Variants in MMS22L observed in about 807,000 individuals in gnomAD.
MMS22L encodes protein MMS22-like.
In MMS22L, 74 loss-of-function variants were observed where a neutral mutation model predicts 159.1. That is an observed-to-expected ratio of 0.47 (90% confidence interval 0.39 to 0.56). The LOEUF is 0.56. Ranked by LOEUF, MMS22L falls within the 20% of genes least tolerant of loss-of-function variation. The probability of loss-of-function intolerance (pLI) is 0.00; values close to 1 mark genes in which losing one functional copy is unlikely to be tolerated. For missense variants in MMS22L, 1,351 were observed against 1,422.1 expected, an observed-to-expected ratio of 0.95 and a Z score of 0.80; for synonymous variants, 517 against 506.9, an observed-to-expected ratio of 1.02 and a Z score of -0.27.
intron 13 of MMS22L, among the ~76,000 whole-genome samples, chr6:97,230,057 C>A (rs1377663760): frequency 2.0e-5 from 3 of 152,104 alleles, no homozygotes; most frequent in African/African-American, 4.8e-5. Flanking sequence ...GAAAACAATT[C>A]ATCTGAATTC....
At chr6:97,244,811 G>A (rs1157088662) in intron 11 of MMS22L, among the ~76,000 whole-genome samples, 2 of 152,122 alleles carry the variant, frequency 1.3e-5, no homozygotes, top group African/African-American at 4.8e-5. Flanking sequence ...ACCATAAGAT[G>A]GGGGAATGGT....
At chr6:97,214,049 C>T (rs941296292) in intron 14 of MMS22L, among the ~76,000 whole-genome samples, 3 of 152,234 alleles carry the variant, frequency 2.0e-5, no homozygotes, top group Admixed American at 2.0e-4. Flanking sequence ...CTATGGCTCC[C>T]ATTCATTTTT....
intron 18 of MMS22L, among the ~76,000 whole-genome samples, chr6:97,176,217 G>T (rs989752313): frequency 4.6e-5 from 7 of 152,064 alleles, no homozygotes; most frequent in Non-Finnish European, 1.0e-4. Flanking sequence ...TCATGTAAAA[G>T]ATTTTACACT....
intron 14 of MMS22L, 51 bp from the exon 15 acceptor site, chr6:97,186,741 A>C: frequency 7.6e-7 from 1 of 1,318,974 alleles, no homozygotes; most frequent in African/African-American, 1.5e-5. Context: ...GCTTACAAAA[A>C]TCTTCTTAAA....
Position 97,228,926 on chromosome 6 carries a change from C to A in MMS22L, c.2007G>T (p.Leu669Phe). ...ACRESELRTV[L>F]SFLQAVLARI... ...TGGCCAGAACAGCTTGTAGGAAGCT[C>A]AATACTGTCCTAAGTTCAGATTCTC... Residue 669 changes from leucine (L) to phenylalanine (F), a missense_variant, in exon 14 of 25, where the codon TTG becomes TTT. Transcript: ENST00000683635. The A allele has an allele frequency of 6.2e-7, 1 of 1,613,976 alleles. No individual in the cohort carries two copies. Among genetic ancestry groups the A allele is most frequent in the South Asian group, 1.1e-5 (1 of 91,066 alleles).
chr6:97,201,032 T>C (rs1030635153), intron 14 of MMS22L, among the ~76,000 whole-genome samples: 1 of 151,976 alleles, frequency 6.6e-6, no homozygotes, highest in Non-Finnish European at 1.5e-5. Flanking sequence ...TAGTTCAAAA[T>C]TAAAAATCTT....
chr6:97,252,032 A>C (rs1813289571), intron 10 of MMS22L, among the ~76,000 whole-genome samples: 1 of 151,660 alleles, frequency 6.6e-6, no homozygotes. Context: ...GCAGTAAGCC[A>C]AGACTGCGCC....
chr6:97,189,281 C>T (rs770189722), intron 14 of MMS22L, among the ~76,000 whole-genome samples: 3 of 146,168 alleles, frequency 2.1e-5, no homozygotes, highest in Admixed American at 6.8e-5. Context: ...AAAAAAAAGC[C>T]GAGTGCAGTG....
intron 7 of MMS22L, 147 bp from the exon 8 acceptor site, chr6:97,268,149 C>G: frequency 1.9e-6 from 1 of 540,218 alleles, no homozygotes; most frequent in Non-Finnish European, 3.1e-6. Context: ...TGAGGACAAC[C>G]TTCTCATATG....
intron 7 of MMS22L, among the ~76,000 whole-genome samples, chr6:97,268,578 A>T (rs1815397690): frequency 6.7e-6 from 1 of 149,362 alleles, no homozygotes; most frequent in African/African-American, 2.5e-5. Flanking sequence ...AACACAACTT[A>T]AAAAAAAAAG....
At chr6:97,182,132 T>C in intron 15 of MMS22L, 78 bp from the exon 16 acceptor site, 2 of 1,128,138 alleles carry the variant, frequency 1.8e-6, no homozygotes, top group Non-Finnish European at 2.4e-6. Flanking sequence ...TGGCCAATTA[T>C]AACAAGTGTT....
At chr6:97,200,978 A>C (rs1334622331) in intron 14 of MMS22L, among the ~76,000 whole-genome samples, 1 of 152,154 alleles carries the variant, frequency 6.6e-6, no homozygotes, top group Non-Finnish European at 1.5e-5. Flanking sequence ...TAACCCCTGA[A>C]AGTTACTCTT....
At chr6:97,208,680 C>G (rs182188655) in intron 14 of MMS22L, among the ~76,000 whole-genome samples, 254 of 152,084 alleles carry the variant, frequency 1.7e-3, no homozygotes, top group Middle Eastern at 3.4e-3. Flanking sequence ...GTCTTTCTGT[C>G]AAGGATCTTA....
chr6:97,276,317 T>C (rs1816237888), intron 4 of MMS22L, among the ~76,000 whole-genome samples: 1 of 152,196 alleles, frequency 6.6e-6, no homozygotes, highest in South Asian at 2.1e-4. Context: ...AGCCAAAATG[T>C]CAGTGTAACA....
intron 10 of MMS22L, among the ~76,000 whole-genome samples, chr6:97,247,029 G>GTTTT (rs5878473): frequency 1.4e-5 from 2 of 144,392 alleles, no homozygotes; most frequent in Middle Eastern, 3.3e-3. Context: ...TTTGGTGTTT[G>GTTTT]TTTTTTTTTT....
chr6:97,146,756 T>C lies in MMS22L; in HGVS notation c.*50A>G, dbSNP rs1490711539. On this transcript the variant is annotated 3_prime_UTR_variant, in exon 25 of 25. Coordinates refer to ENST00000683635, the MANE Select transcript of MMS22L (RefSeq NM_001350599.2). ...AAAAGTAGGAATTAGAGTGGAACAATGTGGCTTTAGATACTGATAATTAAT... is the reference window on the plus strand; with the variant it reads ...AAAAGTAGGAATTAGAGTGGAACAACGTGGCTTTAGATACTGATAATTAAT... 1 of 1,167,398 alleles carries C rather than the reference T, an allele frequency of 8.6e-7. No individual in the cohort carries two copies. The highest frequency in any genetic ancestry group is 1.2e-6 in the Non-Finnish European group (1 of 806,756). 72.3% of individuals were successfully genotyped at this position (1,167,398 alleles called of 1,614,324 possible).
At chr6:97,231,760 TAATCAC>T in intron 12 of MMS22L, 108 bp from the exon 13 acceptor site, 1 of 743,556 alleles carries the variant, frequency 1.3e-6, no homozygotes, top group Non-Finnish European at 2.2e-6. Flanking sequence ...TGACTCATCT[TAATCAC>T]AAAAACTACA....
At chr6:97,212,981 G>A (rs934484363) in intron 14 of MMS22L, among the ~76,000 whole-genome samples, 4 of 152,128 alleles carry the variant, frequency 2.6e-5, no homozygotes, top group Admixed American at 6.6e-5. Flanking sequence ...GTTAAATGTC[G>A]TTTGATTTAT....
In MMS22L at chr6:97,229,055, T is replaced by G. The variant is rs772873214; in HGVS notation, c.1878A>C (p.Ile626=). Residue 626 remains isoleucine (I), a synonymous_variant, in exon 14 of 25, where the codon ATA becomes ATC. Coordinates refer to ENST00000683635, the MANE Select transcript of MMS22L (RefSeq NM_001350599.2). ...QRQTIWTLLS[I]YIDGVQEVFE... ...ACACTTCTTGAACACCATCAATGTA[T>G]ATGGAAAGAAGGGTCCAGATAGTCT... 2 of 1,614,056 alleles carry G rather than the reference T, an allele frequency of 1.2e-6. No homozygotes were observed. The highest frequency in any genetic ancestry group is 1.7e-6 in the Non-Finnish European group (2 of 1,180,030).
Sources: gnomAD v4.1 joint callset for allele counts (sites outside exome capture counted in the v4.1 genomes callset) on GRCh38, gnomAD v4.1.1 for gene constraint, MANE v1.5 for transcripts, NCBI Gene and HGNC (gene_info 2026-07-23, HGNC 2026-07-21) for gene names.